CHST8: variants seen among roughly 807,000 people sequenced by gnomAD.
CHST8 encodes the protein carbohydrate sulfotransferase 8, also known as GALNAC-4-ST1.
A neutral mutation model predicts 15.0 loss-of-function variants in CHST8; 10 were observed. The observed-to-expected ratio is 0.67, with a 90% CI of 0.41 to 1.13. The LOEUF (loss-of-function observed/expected upper bound fraction) is 1.13. CHST8 is among the 50% of genes most tolerant of loss of function. The pLI is 0.00. For missense variants in CHST8, 634 were observed against 608.2 expected (o/e 1.04, Z -0.45); for synonymous variants, 259 against 256.6 (o/e 1.01, Z -0.09).
intron 1 of CHST8, among the ~76,000 whole-genome samples, chr19:33,663,269 T>G (rs568309213): frequency 6.6e-6 from 1 of 152,314 alleles, no homozygotes; most frequent in South Asian, 2.1e-4. Flanking sequence ...TGAAATATTC[T>G]GGACAGTTAG....
intron 2 of CHST8, among the ~76,000 whole-genome samples, chr19:33,686,932 C>A (rs906875384): frequency 6.6e-6 from 1 of 152,216 alleles, no homozygotes; most frequent in Non-Finnish European, 1.5e-5. Context: ...TCCCCATGAC[C>A]GTGCAATAGC....
In CHST8 at chr19:33,672,960, G is replaced by A. The variant is rs564979608; in HGVS notation, c.-87+5117G>A. Among the ~76,000 whole-genome samples the A allele has an allele frequency of 6.8e-4, 103 of 152,298 alleles. 1 individual carries two copies. Among genetic ancestry groups the A allele is most frequent in the African/African-American group, 2.3e-3 (94 of 41,556 alleles). ...TTGAGGATGGACCCAGGCAGGACGC[G>A]CCCAGGTCCACCACTCCCTGTGACC... On this transcript the variant is annotated intron_variant, in intron 2 of 4. Coordinates refer to ENST00000650847, the MANE Select transcript of CHST8 (RefSeq NM_001127895.2).
intron 2 of CHST8, among the ~76,000 whole-genome samples, chr19:33,674,631 G>A (rs1224501485): frequency 3.3e-5 from 5 of 152,150 alleles, no homozygotes; most frequent in African/African-American, 1.2e-4. Flanking sequence ...GGCGGAGAGC[G>A]GGCGGAGAGG....
chr19:33,664,892 C>G (rs1215041937), intron 1 of CHST8, among the ~76,000 whole-genome samples: 2 of 152,136 alleles, frequency 1.3e-5, no homozygotes, highest in Non-Finnish European at 2.9e-5. Context: ...ACATAATGGT[C>G]TCCAGTTCCA....
At chr19:33,757,397 A>T (rs1294887276) in intron 3 of CHST8, among the ~76,000 whole-genome samples, 1 of 4,922 alleles carries the variant, frequency 2.0e-4, no homozygotes, top group African/African-American at 5.0e-4. Context: ...GAAGAAAGAA[A>T]GAAAGAAAGA....
At chr19:33,626,818 T>C (rs1972060079) in intron 1 of CHST8, among the ~76,000 whole-genome samples, 1 of 147,060 alleles carries the variant, frequency 6.8e-6, no homozygotes, top group Non-Finnish European at 1.5e-5. Context: ...AGACAGAGTC[T>C]CGCTCTATTG....
At chr19:33,699,590 G>C (rs1014851448) in intron 3 of CHST8, among the ~76,000 whole-genome samples, 2 of 152,150 alleles carry the variant, frequency 1.3e-5, no homozygotes, top group African/African-American at 4.8e-5. Context: ...TCCGCAGCAC[G>C]TGCTGCTATG....
intron 3 of CHST8, among the ~76,000 whole-genome samples, chr19:33,705,999 G>A (rs985729353): frequency 6.6e-6 from 1 of 152,186 alleles, no homozygotes; most frequent in Non-Finnish European, 1.5e-5. Context: ...GAGCCTCGCT[G>A]TACCCGTCTC....
At chr19:33,704,464 T>C (rs970645420) in intron 3 of CHST8, among the ~76,000 whole-genome samples, 2 of 150,968 alleles carry the variant, frequency 1.3e-5, no homozygotes, top group African/African-American at 4.9e-5. Flanking sequence ...GACCACAGGA[T>C]GGGGGAAAGG....
In CHST8 at chr19:33,772,653, G is replaced by A; in HGVS notation, c.865G>A (p.Ala289Thr). Reference sequence around the variant, plus strand: ...CCCGGTCTTCGGCAAGGCCATCCTGGCCCGGTACCGCGCCAATGCCTCTCG... The same window carrying A: ...CCCGGTCTTCGGCAAGGCCATCCTGACCCGGTACCGCGCCAATGCCTCTCG... ...YHPVFGKAILARYRANASREA... is the reference protein window; with the variant it reads ...YHPVFGKAILTRYRANASREA... The change falls in exon 5 of 5, where the codon GCC becomes ACC. Residue 289 changes from alanine (A) to threonine (T), a missense_variant. By Grantham distance (58) the Ala-to-Thr change is moderately conservative (BLOSUM62 0). Coordinates refer to ENST00000650847, the MANE Select transcript of CHST8 (RefSeq NM_001127895.2). 6.2e-7 allele frequency: 1 copy of A among 1,613,884 alleles called. No homozygotes were observed. The highest frequency in any genetic ancestry group is 8.5e-7 in the Non-Finnish European group (1 of 1,180,040).
At chr19:33,715,602 G>A (rs1198673788) in intron 3 of CHST8, among the ~76,000 whole-genome samples, 5 of 152,210 alleles carry the variant, frequency 3.3e-5, no homozygotes, top group African/African-American at 1.2e-4. Flanking sequence ...GGCAGGAGGT[G>A]ACAGAACCCC....
chr19:33,667,367 C>G (rs1291998984), intron 1 of CHST8, among the ~76,000 whole-genome samples: 1 of 152,182 alleles, frequency 6.6e-6, no homozygotes, highest in Non-Finnish European at 1.5e-5. Flanking sequence ...CCTCGCGCAG[C>G]CCGACGGCTG....
In CHST8 at chr19:33,642,707, AAAG is replaced by A. The variant is rs1490525702; in HGVS notation, c.-164+20416_-164+20418del. ...TGCGGAAATGCCTTTGCAAGAGCAA[AAAG>A]AAGATTAAAGTCTTACCGTCCTTTG... On this transcript the variant is annotated intron_variant, in intron 1 of 4. Transcript: ENST00000650847. Among the ~76,000 whole-genome samples, 5 of 152,344 alleles carry A rather than the reference AAAG, an allele frequency of 3.3e-5. No individual in the cohort carries two copies. In the East Asian group the frequency reaches 5.8e-4, roughly 18 times the overall value.
intron 3 of CHST8, among the ~76,000 whole-genome samples, chr19:33,755,563 G>A (rs1426588626): frequency 6.6e-6 from 1 of 152,238 alleles, no homozygotes; most frequent in Non-Finnish European, 1.5e-5. Context: ...TCCCTGCCAC[G>A]CGCAGGCGTG....
rs1568358583 is a variant in CHST8 at position 33,757,478 on chromosome 19, G to T, written c.131-13935G>T. ...AGAAAGAAAGAAAGAAAGAAAGAAA[G>T]AAAGAAAGAAAGAAAGAAAGAAAGA... is the stretch of plus-strand genomic sequence containing the variant. On this transcript the variant is annotated intron_variant, in intron 3 of 4. Coordinates refer to ENST00000650847, the MANE Select transcript of CHST8 (RefSeq NM_001127895.2). Among the ~76,000 whole-genome samples the T allele has an allele frequency of 2.2e-3, 93 of 42,790 alleles. 15 individuals carry two copies. Among genetic ancestry groups the T allele is most frequent in the Admixed American group, 4.5e-3 (18 of 3,966 alleles). 28.1% of individuals were successfully genotyped at this position (42,790 alleles called of 152,430 possible).
At chr19:33,770,476 C>T (rs556332092) in intron 3 of CHST8, among the ~76,000 whole-genome samples, 31 of 152,230 alleles carry the variant, frequency 2.0e-4, no homozygotes, top group Non-Finnish European at 1.8e-4. Flanking sequence ...GGGAAGGAGG[C>T]TCCAGCTTCT....
chr19:33,629,247 G>A (rs1972094090), intron 1 of CHST8, among the ~76,000 whole-genome samples: 1 of 152,208 alleles, frequency 6.6e-6, no homozygotes, highest in Non-Finnish European at 1.5e-5. Flanking sequence ...CCCAGTGGTG[G>A]TCTCCATGTG....
chr19:33,718,526 C>T (rs1973710029), intron 3 of CHST8, among the ~76,000 whole-genome samples: 1 of 152,216 alleles, frequency 6.6e-6, no homozygotes, highest in Non-Finnish European at 1.5e-5. Flanking sequence ...TCCCCTTCAC[C>T]CTGTAGAATC....
intron 2 of CHST8, among the ~76,000 whole-genome samples, chr19:33,683,958 G>T (rs1256369285): frequency 6.6e-6 from 1 of 152,170 alleles, no homozygotes; most frequent in Admixed American, 6.5e-5. Context: ...ACTGTCCCCT[G>T]CCCTGCCCCA....
Sources: gnomAD v4.1 joint callset for allele counts (sites outside exome capture counted in the v4.1 genomes callset) on GRCh38, gnomAD v4.1.1 for gene constraint, MANE v1.5 for transcripts, NCBI Gene and HGNC (gene_info 2026-07-23, HGNC 2026-07-21) for gene names.